The following STXBP5 variants were observed in gnomAD, a reference collection of about 807,000 sequenced individuals.
The protein encoded by STXBP5 is syntaxin-binding protein 5.
Under a neutral mutation model 152.4 loss-of-function variants are expected in STXBP5, and 50 were observed. The ratio of observed to expected loss-of-function variants is 0.33; its 90% confidence interval spans 0.26 to 0.42. The LOEUF is 0.42. Among genes scored for constraint, STXBP5 ranks in the 10% least tolerant of loss-of-function variants. The pLI is 1.00. For missense variants in STXBP5, 1,167 were observed against 1,388.6 expected, an observed-to-expected ratio of 0.84 and a Z score of 2.54; for synonymous variants, 492 against 494.7, an observed-to-expected ratio of 0.99 and a Z score of 0.07.
intron 8 of STXBP5, among the ~76,000 whole-genome samples, chr6:147,285,832 A>G (rs1306261862): frequency 1.3e-5 from 2 of 152,160 alleles, no homozygotes; most frequent in Non-Finnish European, 2.9e-5. Context: ...TTGATGTTGA[A>G]TATTGAAGTA....
At chr6:147,213,391 C>A (rs1776961811) in intron 2 of STXBP5, among the ~76,000 whole-genome samples, 2 of 147,578 alleles carry the variant, frequency 1.4e-5, no homozygotes, top group African/African-American at 5.1e-5. Flanking sequence ...GTAGTTGGGA[C>A]CACAGATGTG....
At chr6:147,332,388 G>T (rs1783619821) in intron 18 of STXBP5, among the ~76,000 whole-genome samples, 1 of 152,216 alleles carries the variant, frequency 6.6e-6, no homozygotes, top group Non-Finnish European at 1.5e-5. Flanking sequence ...AAATATCAAT[G>T]ATGGAGTGTT....
intron 7 of STXBP5, among the ~76,000 whole-genome samples, chr6:147,274,757 G>C (rs1287601091): frequency 1.3e-5 from 2 of 151,916 alleles, no homozygotes; most frequent in Non-Finnish European, 2.9e-5. Flanking sequence ...GCATTTTTCT[G>C]AGGGCTTTGA....
intron 21 of STXBP5, among the ~76,000 whole-genome samples, chr6:147,347,998 C>A (rs1180680729): frequency 6.6e-6 from 1 of 152,024 alleles, no homozygotes; most frequent in East Asian, 1.9e-4. Context: ...TATTTGAATT[C>A]TTTATAATAA....
chr6:147,328,163 T>A (rs1326083202), intron 18 of STXBP5, among the ~76,000 whole-genome samples: 2 of 152,208 alleles, frequency 1.3e-5, no homozygotes, highest in Non-Finnish European at 2.9e-5. Context: ...TACCAGTACT[T>A]CTTGCCCTTT....
intron 9 of STXBP5, among the ~76,000 whole-genome samples, chr6:147,305,297 G>T (rs1305506338): frequency 1.3e-5 from 2 of 152,134 alleles, no homozygotes; most frequent in African/African-American, 2.4e-5. Flanking sequence ...CCACAGTTTG[G>T]AAAGCAGTGT....
intron 2 of STXBP5, among the ~76,000 whole-genome samples, chr6:147,232,241 C>G (rs1778041310): frequency 6.6e-6 from 1 of 151,654 alleles, no homozygotes; most frequent in Non-Finnish European, 1.5e-5. Context: ...GTTCCTGTGG[C>G]ACAAATAAGT....
intron 26 of STXBP5, among the ~76,000 whole-genome samples, chr6:147,381,602 C>T (rs1214802738): frequency 6.6e-6 from 1 of 152,100 alleles, no homozygotes; most frequent in Non-Finnish European, 1.5e-5. Flanking sequence ...TAGCTTTATT[C>T]ATAATAGCCA....
At chr6:147,308,052 T>C (rs1223793226) in intron 9 of STXBP5, among the ~76,000 whole-genome samples, 5 of 152,226 alleles carry the variant, frequency 3.3e-5, no homozygotes, top group African/African-American at 1.2e-4. Context: ...ACTTACCAGC[T>C]GTTCTCGAAA....
chr6:147,344,852 G>A (rs1314390010), intron 21 of STXBP5, among the ~76,000 whole-genome samples: 1 of 152,176 alleles, frequency 6.6e-6, no homozygotes, highest in Admixed American at 6.5e-5. Flanking sequence ...TTCTCTTTGA[G>A]ATGTTGCAAA....
intron 2 of STXBP5, among the ~76,000 whole-genome samples, chr6:147,220,261 C>G (rs993132180): frequency 2.0e-5 from 3 of 151,962 alleles, no homozygotes; most frequent in Non-Finnish European, 4.4e-5. Flanking sequence ...TCTATTCTTT[C>G]AAATTTTTTG....
intron 23 of STXBP5, among the ~76,000 whole-genome samples, chr6:147,360,051 C>T (rs1420643750): frequency 2.0e-5 from 3 of 152,214 alleles, no homozygotes; most frequent in Admixed American, 6.5e-5. Context: ...AAAAAATGCT[C>T]GCCATCACTG....
chr6:147,291,381 T>C (rs1231740684), intron 9 of STXBP5, among the ~76,000 whole-genome samples: 1 of 152,180 alleles, frequency 6.6e-6, no homozygotes, highest in Non-Finnish European at 1.5e-5. Flanking sequence ...GTTTTACACA[T>C]TATCTTGGAA....
chr6:147,343,762 T>G (rs1189178468), intron 21 of STXBP5, among the ~76,000 whole-genome samples: 3 of 152,208 alleles, frequency 2.0e-5, no homozygotes, highest in Non-Finnish European at 1.5e-5. Flanking sequence ...TAAGTCGTAT[T>G]TTAAGTTATC....
intron 2 of STXBP5, among the ~76,000 whole-genome samples, chr6:147,219,930 G>A (rs1474385683): frequency 6.6e-6 from 1 of 150,530 alleles, no homozygotes; most frequent in African/African-American, 2.4e-5. Context: ...TTTACTTTGG[G>A]TTCAGTTTCC....
intron 8 of STXBP5, among the ~76,000 whole-genome samples, chr6:147,290,726 A>G (rs951830128): frequency 3.9e-5 from 6 of 152,164 alleles, no homozygotes; most frequent in African/African-American, 1.2e-4. Flanking sequence ...TGAAAATGTG[A>G]TGTAGATTTA....
chr6:147,351,591 C>G (rs1401581985), intron 21 of STXBP5, among the ~76,000 whole-genome samples: 1 of 152,146 alleles, frequency 6.6e-6, no homozygotes, highest in Non-Finnish European at 1.5e-5. Flanking sequence ...TATGTGACAT[C>G]AACTAACTGC....
intron 4 of STXBP5, among the ~76,000 whole-genome samples, chr6:147,240,065 C>A (rs972705579): frequency 1.3e-5 from 2 of 151,960 alleles, no homozygotes; most frequent in African/African-American, 4.8e-5. Flanking sequence ...GCCTCAGCCT[C>A]CTGAGTATCT....
chr6:147,361,845 T>C (rs1290776925), intron 23 of STXBP5, among the ~76,000 whole-genome samples: 1 of 152,132 alleles, frequency 6.6e-6, no homozygotes, highest in Non-Finnish European at 1.5e-5. Flanking sequence ...ATAAGAGATC[T>C]TGAAAGAAAA....
Sources: gnomAD v4.1 joint callset for allele counts (sites outside exome capture counted in the v4.1 genomes callset) on GRCh38, gnomAD v4.1.1 for gene constraint, MANE v1.5 for transcripts, NCBI Gene and HGNC (gene_info 2026-07-23, HGNC 2026-07-21) for gene names.